Variants in MAP3K2 observed in about 807,000 individuals in gnomAD.
MAP3K2 encodes the protein mitogen-activated protein kinase kinase kinase 2, also known as MAP/ERK kinase kinase 2.
A neutral mutation model predicts 80.3 loss-of-function variants in MAP3K2; 24 were observed. That is an observed-to-expected ratio of 0.30 (90% confidence interval 0.22 to 0.42). MAP3K2 has a LOEUF of 0.42. Among genes scored for constraint, MAP3K2 ranks in the 10% least tolerant of loss-of-function variants. The probability of loss-of-function intolerance (pLI) is 1.00; values close to 1 mark genes in which losing one functional copy is unlikely to be tolerated. For missense variants in MAP3K2, 608 were observed against 750.1 expected (o/e 0.81, Z 2.21); for synonymous variants, 244 against 253.7 (o/e 0.96, Z 0.36).
At position 127,363,404 on chromosome 2, in the gene MAP3K2, T is replaced by C. The variant is rs1167857643; in HGVS notation, c.-65-20210A>G. 2.6e-5 allele frequency among the ~76,000 whole-genome samples: 4 copies of C among 152,238 alleles called. No homozygotes were observed. The South Asian group carries it at 6.2e-4, about 24-fold the overall frequency. On this transcript the variant is annotated intron_variant, in intron 1 of 16. Transcript: ENST00000682094. ...TTTATACCTTAATACTTTATTAATA[T>C]AATAAAACCATGACCAAGGCTTCAG...
intron 1 of MAP3K2, among the ~76,000 whole-genome samples, chr2:127,374,731 C>T (rs909063452): frequency 2.0e-5 from 3 of 152,170 alleles, no homozygotes; most frequent in African/African-American, 7.2e-5. Flanking sequence ...CATTAAACAT[C>T]TTCTTTTAAC....
intron 1 of MAP3K2, among the ~76,000 whole-genome samples, chr2:127,372,093 C>G (rs967719489): frequency 6.6e-6 from 1 of 152,144 alleles, no homozygotes; most frequent in Non-Finnish European, 1.5e-5. Flanking sequence ...GGGTTGCAAC[C>G]GGGATCTGGG....
chr2:127,330,327 CAT>C (rs1205145627), intron 6 of MAP3K2, 63 bp downstream of exon 6: 21 of 711,808 alleles, frequency 3.0e-5, no homozygotes, highest in Non-Finnish European at 4.4e-5. Flanking sequence ...AATTATGTTT[CAT>C]ATGTTAACTT....
chr2:127,305,126 C>T lies in MAP3K2; in HGVS notation c.*2453G>A, dbSNP rs867048227. 1 of 152,464 alleles carries T rather than the reference C, an allele frequency of 6.6e-6. No homozygotes were observed. Among genetic ancestry groups the T allele is most frequent in the Non-Finnish European group, 1.5e-5 (1 of 67,974 alleles). 9.4% of individuals were successfully genotyped at this position (152,464 alleles called of 1,614,324 possible). ...TGGGTTCTACAGTCTCACCAGATTTCTCTCTAAAGAGCATTTGTCTCATAT... is the reference window on the plus strand; with the variant it reads ...TGGGTTCTACAGTCTCACCAGATTTTTCTCTAAAGAGCATTTGTCTCATAT... On this transcript the variant is annotated 3_prime_UTR_variant, in exon 17 of 17. Transcript: ENST00000682094.
At chr2:127,319,383 A>C (rs953594353) in intron 12 of MAP3K2, among the ~76,000 whole-genome samples, 8 of 152,240 alleles carry the variant, frequency 5.3e-5, no homozygotes, top group Admixed American at 5.2e-4. Context: ...CTAAGACTGA[A>C]GCTGGATAGG....
rs373388183 is a variant in MAP3K2, at chr2:127,325,683, C to T, written c.677+45G>A. ...AGCCTGGGTGACAGCAAAACTCTGT[C>T]TCAAATAAACAAATAAACCCTCCAA... On this transcript the variant is annotated intron_variant, in intron 9 of 16. Coordinates refer to ENST00000682094, the MANE Select transcript of MAP3K2 (RefSeq NM_001371910.2). 1.8e-4 allele frequency: 268 copies of T among 1,482,828 alleles called. No homozygotes were observed. In the African/African-American group the frequency reaches 3.4e-3, roughly 19 times the overall value. 91.9% of individuals were successfully genotyped at this position (1,482,828 alleles called of 1,614,324 possible).
intron 15 of MAP3K2, among the ~76,000 whole-genome samples, chr2:127,313,379 T>G (rs868802435): frequency 6.6e-6 from 1 of 152,216 alleles, no homozygotes; most frequent in Non-Finnish European, 1.5e-5. Flanking sequence ...CTAAGATGCG[T>G]AGATCATGAG....
Position 127,330,643 on chromosome 2 carries a change from A to T in MAP3K2, c.265-138T>A, listed in dbSNP as rs1381584821. Reference sequence around the variant, plus strand: ...TACTATGATGAAAGTCTGAATGTGTATGTGTATATTGTTTTGCCCTCCTCA... The same window carrying T: ...TACTATGATGAAAGTCTGAATGTGTTTGTGTATATTGTTTTGCCCTCCTCA... On this transcript the variant is annotated intron_variant, in intron 5 of 16. Coordinates refer to ENST00000682094, the MANE Select transcript of MAP3K2 (RefSeq NM_001371910.2). 5.9e-6 allele frequency: 3 copies of T among 511,468 alleles called. No homozygotes were observed. The African/African-American group carries it at 5.9e-5, about 10-fold the overall frequency. The allele number at this position is 511,468 out of a possible 1,614,324, so 31.7% of individuals were successfully genotyped here. A position where few individuals can be genotyped will look rare whatever the true frequency, so the allele number is the denominator to read the frequency against.
At chr2:127,354,268 T>TG (rs1686759994) in intron 1 of MAP3K2, among the ~76,000 whole-genome samples, 1 of 141,860 alleles carries the variant, frequency 7.0e-6, no homozygotes, top group Non-Finnish European at 1.5e-5. Flanking sequence ...AAATATCATT[T>TG]GAAAAAAAAA....
At chr2:127,366,866 GTTTTT>G (rs367670762) in intron 1 of MAP3K2, among the ~76,000 whole-genome samples, 18 of 85,088 alleles carry the variant, frequency 2.1e-4, no homozygotes, top group South Asian at 4.8e-4. Context: ...ACAGTCAAGG[GTTTTT>G]TTTTTTTTTT....
Position 127,387,467 on chromosome 2 carries a change from G to A in MAP3K2, c.-81C>T, listed in dbSNP as rs1687386847. On this transcript the variant is annotated 5_prime_UTR_variant, in exon 1 of 17. Coordinates refer to ENST00000682094, the MANE Select transcript of MAP3K2 (RefSeq NM_001371910.2). ...ACGCACGTACCGGCTGCTCCGCAGG[G>A]ACGTAGAGAGCCGCAGGCCCAAGGA... 1 of 984,458 alleles carries A rather than the reference G, an allele frequency of 1.0e-6. No homozygotes were observed. The highest frequency in any genetic ancestry group is 1.2e-6 in the Non-Finnish European group (1 of 830,352). 61.0% of individuals were successfully genotyped at this position (984,458 alleles called of 1,614,324 possible).
chr2:127,369,267 A>C (rs1318298701), intron 1 of MAP3K2, among the ~76,000 whole-genome samples: 1 of 151,018 alleles, frequency 6.6e-6, no homozygotes, highest in Non-Finnish European at 1.5e-5. Flanking sequence ...AATATTTTCT[A>C]TCTGTGGTTG....
At chr2:127,375,802 G>A (rs933723280) in intron 1 of MAP3K2, among the ~76,000 whole-genome samples, 1 of 152,044 alleles carries the variant, frequency 6.6e-6, no homozygotes, top group Non-Finnish European at 1.5e-5. Context: ...TTCTAACAAC[G>A]TGACTGCTTG....
At chr2:127,354,269 G>GAA (rs537174159) in intron 1 of MAP3K2, among the ~76,000 whole-genome samples, 35 of 104,680 alleles carry the variant, frequency 3.3e-4, no homozygotes, top group South Asian at 9.3e-4. Context: ...AATATCATTT[G>GAA]AAAAAAAAAA....
intron 1 of MAP3K2, among the ~76,000 whole-genome samples, chr2:127,347,645 T>G (rs1210384132): frequency 6.6e-6 from 1 of 152,124 alleles, no homozygotes; most frequent in Non-Finnish European, 1.5e-5. Context: ...AACAATATTT[T>G]TAAGATAGCA....
Position 127,378,711 on chromosome 2 carries a change from T to C in MAP3K2, c.-66+8741A>G, listed in dbSNP as rs139507048. On this transcript the variant is annotated intron_variant, in intron 1 of 16. Transcript: ENST00000682094. The stretch of plus-strand genomic sequence containing the variant: ...GAGGAAAAAATCATACGTCTCTAGA[T>C]GGATCATATACTCAGACTGCTTTAC... Among the ~76,000 whole-genome samples the C allele has an allele frequency of 2.8e-4, 43 of 152,298 alleles. No individual in the cohort carries two copies. The East Asian group carries it at 7.7e-3, about 27-fold the overall frequency.
intron 1 of MAP3K2, among the ~76,000 whole-genome samples, chr2:127,348,124 ACATCTG>A (rs1020030157): frequency 2.6e-5 from 4 of 152,182 alleles, no homozygotes; most frequent in Non-Finnish European, 4.4e-5. Context: ...CTTACAGATT[ACATCTG>A]TAATCCCAGC....
intron 1 of MAP3K2, among the ~76,000 whole-genome samples, chr2:127,362,558 T>C (rs1045687500): frequency 6.6e-6 from 1 of 152,228 alleles, no homozygotes; most frequent in Admixed American, 6.5e-5. Context: ...AGGTAGCTCT[T>C]AGAACAAATT....
Position 127,330,311 on chromosome 2 carries a change from GAATAT to G in MAP3K2, c.378+76_378+80del, listed in dbSNP as rs527777027. 203 of 655,050 alleles carry G rather than the reference GAATAT, an allele frequency of 3.1e-4. No individual in the cohort carries two copies. In the African/African-American group the frequency reaches 3.3e-3, roughly 11 times the overall value. The allele number at this position is 655,050 out of a possible 1,614,324, so 40.6% of individuals were successfully genotyped here. A position where few individuals can be genotyped will look rare whatever the true frequency, so the allele number is the denominator to read the frequency against. The stretch of plus-strand genomic sequence containing the variant: ...TAATGAAAATATTGCAATGATTATA[GAATAT>G]AATTATGTTTCATATGTTAACTTTT... On this transcript the variant is annotated intron_variant, in intron 6 of 16. Coordinates refer to ENST00000682094, the MANE Select transcript of MAP3K2 (RefSeq NM_001371910.2).
Sources: allele counts gnomAD v4.1 joint callset (sites outside exome capture counted in the v4.1 genomes callset), GRCh38; gene constraint gnomAD v4.1.1; transcripts MANE v1.5; gene names NCBI Gene and HGNC (gene_info 2026-07-23, HGNC 2026-07-21).